The following HCN1 variants were observed in gnomAD, a reference collection of about 807,000 sequenced individuals.
HCN1 encodes potassium/sodium hyperpolarization-activated cyclic nucleotide-gated channel 1.
A neutral mutation model predicts 78.9 loss-of-function variants in HCN1; 13 were observed. That is an observed-to-expected ratio of 0.16 (90% CI 0.11 to 0.26). The LOEUF is 0.26. Among genes scored for constraint, HCN1 ranks in the 10% least tolerant of loss-of-function variants. The pLI is 1.00. For synonymous variants in HCN1, 552 were observed against 455.5 expected (o/e 1.21, Z -2.70); for missense variants, 810 against 1,154.3 (o/e 0.70, Z 4.32).
At chr5:45,660,561 C>G (rs1021003585) in intron 1 of HCN1, among the ~76,000 whole-genome samples, 2 of 151,974 alleles carry the variant, frequency 1.3e-5, no homozygotes, top group Non-Finnish European at 2.9e-5. Context: ...GGAAACCCAT[C>G]TCATGTGCAG....
chr5:45,286,256 T>C (rs17343612), intron 6 of HCN1, among the ~76,000 whole-genome samples: 5,680 of 152,034 alleles, frequency 0.037, 172 homozygotes, highest in Non-Finnish European at 0.05. Flanking sequence ...CATTATATCC[T>C]TTCTGTTCTC....
intron 2 of HCN1, among the ~76,000 whole-genome samples, chr5:45,514,278 C>A (rs1013929191): frequency 6.6e-6 from 1 of 151,940 alleles, no homozygotes; most frequent in Non-Finnish European, 1.5e-5. Context: ...AAAAGTCTAC[C>A]TCAAACACAT....
chr5:45,459,057 T>C (rs913663876), intron 3 of HCN1, among the ~76,000 whole-genome samples: 27 of 152,084 alleles, frequency 1.8e-4, no homozygotes, highest in Admixed American at 8.5e-4. Flanking sequence ...GATTCTCTCT[T>C]GATTCAAAAA....
chr5:45,627,728 A>C (rs1331584644), intron 2 of HCN1, among the ~76,000 whole-genome samples: 1 of 152,214 alleles, frequency 6.6e-6, no homozygotes, highest in Non-Finnish European at 1.5e-5. Flanking sequence ...ATAAGAGTCT[A>C]TCATATATAG....
chr5:45,316,173 TG>T (rs1214608215), intron 5 of HCN1, among the ~76,000 whole-genome samples: 1 of 152,196 alleles, frequency 6.6e-6, no homozygotes, highest in Non-Finnish European at 1.5e-5. Flanking sequence ...AATAAAATAC[TG>T]GCAAACCGAA....
At chr5:45,668,405 A>G (rs1746090953) in intron 1 of HCN1, among the ~76,000 whole-genome samples, 1 of 151,950 alleles carries the variant, frequency 6.6e-6, no homozygotes, top group South Asian at 2.1e-4. Flanking sequence ...CTCTCCTGCC[A>G]CCACATAAGA....
In HCN1 at chr5:45,262,051, C is replaced by T; in HGVS notation, c.2543G>A (p.Gly848Glu). Residue 848 changes from glycine (G) to glutamate (E), a missense_variant, in exon 8 of 8, where the codon GGA becomes GAA. Gly to Glu is a moderately conservative substitution (Grantham distance 98, BLOSUM62 -2). Around this residue, in one of 6 missense-constraint regions of HCN1, gnomAD observed 398 missense variants for 381.3 expected, o/e 1.04. Coordinates refer to ENST00000303230, the MANE Select transcript of HCN1 (RefSeq NM_021072.4). The part of the protein sequence containing the change: ...RVTLFRQMSS[G>E]AIPPNRGVPP... Reference sequence around the variant, plus strand: ...GACTCCTCGGTTCGGGGGGATGGCTCCCGACGACATCTGTCGGAAGAGGGT... The same window carrying T: ...GACTCCTCGGTTCGGGGGGATGGCTTCCGACGACATCTGTCGGAAGAGGGT... 5 of 1,613,872 alleles carry T rather than the reference C, an allele frequency of 3.1e-6. No individual in the cohort carries two copies. Among genetic ancestry groups the T allele is most frequent in the Non-Finnish European group, 3.4e-6 (4 of 1,180,000 alleles).
chr5:45,454,809 G>A (rs993928586), intron 3 of HCN1, among the ~76,000 whole-genome samples: 7 of 151,918 alleles, frequency 4.6e-5, no homozygotes, highest in Non-Finnish European at 1.5e-5. Context: ...AATTGTCCGG[G>A]TTTCTATATT....
At chr5:45,291,029 G>A (rs1372657096) in intron 6 of HCN1, among the ~76,000 whole-genome samples, 2 of 151,836 alleles carry the variant, frequency 1.3e-5, no homozygotes, top group African/African-American at 4.8e-5. Context: ...AAAACACAAT[G>A]GCCTAAGTAT....
Position 45,307,667 on chromosome 5 carries a change from A to G in HCN1, c.1378-3828T>C, listed in dbSNP as rs145217929. Among the ~76,000 whole-genome samples the G allele has an allele frequency of 2.9e-3, 441 of 152,242 alleles. 1 individual carries two copies. Among genetic ancestry groups the G allele is most frequent in the African/African-American group, 0.01 (420 of 41,576 alleles). On this transcript the variant is annotated intron_variant, in intron 5 of 7. Coordinates refer to ENST00000303230, the MANE Select transcript of HCN1 (RefSeq NM_021072.4). ...GATCAAGGTAATCAAAAACAAGGAA[A>G]TTTGGAAGAAACTGTCCCAGACAAG...
chr5:45,603,514 T>C (rs1489756478), intron 2 of HCN1, among the ~76,000 whole-genome samples: 1 of 152,072 alleles, frequency 6.6e-6, no homozygotes, highest in Non-Finnish European at 1.5e-5. Flanking sequence ...AGGGAGCTTT[T>C]TTAATTTAAT....
At chr5:45,372,122 T>TAATATATAATATGTATTA (rs1561127964) in intron 4 of HCN1, among the ~76,000 whole-genome samples, 1 of 56,098 alleles carries the variant, frequency 1.8e-5, no homozygotes, top group African/African-American at 9.8e-5. Context: ...TAATTATATA[T>TAATATATAATATGTATTA]TATATATATA....
intron 5 of HCN1, among the ~76,000 whole-genome samples, chr5:45,323,401 C>G (rs1746164814): frequency 6.6e-6 from 1 of 151,800 alleles, no homozygotes; most frequent in Admixed American, 6.6e-5. Flanking sequence ...ATTCCTATTA[C>G]ATCTTCACTG....
chr5:45,338,993 CA>C (rs1746520072), intron 5 of HCN1, among the ~76,000 whole-genome samples: 2 of 152,102 alleles, frequency 1.3e-5, no homozygotes, highest in Admixed American at 6.6e-5. Context: ...ATTAGAAAAG[CA>C]AAAGCTGAAG....
At chr5:45,339,059 C>T (rs961610756) in intron 5 of HCN1, among the ~76,000 whole-genome samples, 2 of 152,120 alleles carry the variant, frequency 1.3e-5, no homozygotes, top group African/African-American at 2.4e-5. Flanking sequence ...TGTTAACTGG[C>T]TGAGCATTTC....
At chr5:45,608,033 A>C (rs1315431736) in intron 2 of HCN1, among the ~76,000 whole-genome samples, 1 of 151,946 alleles carries the variant, frequency 6.6e-6, no homozygotes, top group African/African-American at 2.4e-5. Context: ...ATGTTGCTGG[A>C]TTTAAAACCA....
chr5:45,600,166 T>TTC (rs765475966), intron 2 of HCN1, among the ~76,000 whole-genome samples: 21 of 149,294 alleles, frequency 1.4e-4, no homozygotes, highest in African/African-American at 2.9e-4. Context: ...CTTGCTTCCA[T>TTC]TCTCTCTCTC....
chr5:45,310,998 T>C (rs1489936303), intron 5 of HCN1, among the ~76,000 whole-genome samples: 1 of 152,102 alleles, frequency 6.6e-6, no homozygotes, highest in East Asian at 1.9e-4. Context: ...GAACAACACA[T>C]ACTGGGGCCT....
intron 1 of HCN1, among the ~76,000 whole-genome samples, chr5:45,659,905 C>A (rs1745889228): frequency 1.4e-5 from 2 of 142,890 alleles, no homozygotes; most frequent in African/African-American, 5.4e-5. Flanking sequence ...GGAGAACTTC[C>A]CCAATCTAGC....
Sources: gnomAD v4.1 joint callset for allele counts (sites outside exome capture counted in the v4.1 genomes callset) on GRCh38, gnomAD v4.1.1 for gene constraint, gnomAD v4.1.1 regional missense constraint, MANE v1.5 for transcripts, NCBI Gene and HGNC (gene_info 2026-07-23, HGNC 2026-07-21) for gene names.